NOP9: variants seen among roughly 807,000 people sequenced by gnomAD.
The protein encoded by NOP9 is NOP9 nucleolar protein.
A neutral mutation model predicts 63.0 loss-of-function variants in NOP9; 50 were observed. That is an observed-to-expected ratio of 0.79 (90% confidence interval 0.63 to 1.00). NOP9 has a LOEUF of 1.00. Ranked by LOEUF, NOP9 falls within the 50% of genes least tolerant of loss-of-function variation. The pLI is 0.00. For missense variants in NOP9, 758 were observed against 803.0 expected, an observed-to-expected ratio of 0.94 and a Z score of 0.68; for synonymous variants, 343 against 332.8, an observed-to-expected ratio of 1.03 and a Z score of -0.33.
At chr14:24,293,644 G>A in the NOP9 span, 1 of 152,040 alleles carries the variant, frequency 6.6e-6, no homozygotes, top group Non-Finnish European at 1.5e-5. Flanking sequence ...AAAGACTAAT[G>A]TCTTGTGGGT....
chr14:24,278,261 T>G, the NOP9 span, among the ~76,000 whole-genome samples: 1 of 152,060 alleles, frequency 6.6e-6, no homozygotes, highest in Admixed American at 6.6e-5. Context: ...ACTATCTTAG[T>G]GCTTTTGCAC....
At chr14:24,301,093 AT>A (rs1404643371) in intron 2 of NOP9, among the ~76,000 whole-genome samples, 2 of 152,038 alleles carry the variant, frequency 1.3e-5, no homozygotes, top group African/African-American at 4.8e-5. Context: ...CAGGAGGAGA[AT>A]TTTTTTTAAG....
At chr14:24,303,481 A>G (rs1461654920) in intron 6 of NOP9, among the ~76,000 whole-genome samples, 1 of 152,008 alleles carries the variant, frequency 6.6e-6, no homozygotes, top group Non-Finnish European at 1.5e-5. Context: ...GCTGAGGCCA[A>G]ATGTTATTTC....
At chr14:24,274,612 C>CTTT in the NOP9 span, among the ~76,000 whole-genome samples, 54 of 141,234 alleles carry the variant, frequency 3.8e-4, no homozygotes, top group African/African-American at 1.4e-3. Flanking sequence ...GAGCCACAAT[C>CTTT]TTTTTTTTTT....
the NOP9 span, chr14:24,271,388 G>A: frequency 5.0e-4 from 183 of 366,536 alleles, 2 homozygotes; most frequent in African/African-American, 3.2e-3. Flanking sequence ...CGCGAGCCGG[G>A]GCACCTGGGC....
At chr14:24,298,999 G>A, upstream of NOP9, 3 of 1,613,902 alleles carry the variant, frequency 1.9e-6, no homozygotes, top group Non-Finnish European at 2.5e-6. Flanking sequence ...GGCGGCCAGT[G>A]ATGTAAACTG....
rs2041496347 is a variant in NOP9 at position 24,306,086 on chromosome 14, C to G, written c.*991C>G. Reference sequence around the variant, plus strand: ...ACGTCAAAGGTGAATCGGGCGATGTCCTTGCTGTGCTTGGGCCTCTCCCGT... The same window carrying G: ...ACGTCAAAGGTGAATCGGGCGATGTGCTTGCTGTGCTTGGGCCTCTCCCGT... On this transcript the variant is annotated 3_prime_UTR_variant, in exon 10 of 10. Transcript: ENST00000267425. The G allele has an allele frequency of 6.2e-7, 1 of 1,614,138 alleles. No homozygotes were observed. The highest frequency in any genetic ancestry group is 2.2e-5 in the East Asian group (1 of 44,882).
At chr14:24,273,647 A>G in the NOP9 span, among the ~76,000 whole-genome samples, 1 of 152,232 alleles carries the variant, frequency 6.6e-6, no homozygotes, top group Non-Finnish European at 1.5e-5. Context: ...GAGTTAAGCC[A>G]TTTATTGGTT....
Position 24,308,008 on chromosome 14 carries a change from T to TG in NOP9, c.*2915dup. Reference sequence around the variant, plus strand: ...AAGCCTGGACTCTGGCCCCCCTGCCTGGCCAGTAAGAAGGGCAAAGTCCAA... The same window carrying TG: ...AAGCCTGGACTCTGGCCCCCCTGCCTGGGCCAGTAAGAAGGGCAAAGTCCAA... On this transcript the variant is annotated 3_prime_UTR_variant, in exon 10 of 10. Coordinates refer to ENST00000267425, the MANE Select transcript of NOP9 (RefSeq NM_174913.3). 1 of 725,768 alleles carries TG rather than the reference T, an allele frequency of 1.4e-6. No homozygotes were observed. Among genetic ancestry groups the TG allele is most frequent in the Non-Finnish European group, 2.4e-6 (1 of 415,096 alleles). The allele number at this position is 725,768 out of a possible 1,614,324, so 45.0% of individuals were successfully genotyped here.
At chr14:24,275,266 G>GAT in the NOP9 span, among the ~76,000 whole-genome samples, 2 of 152,134 alleles carry the variant, frequency 1.3e-5, no homozygotes, top group African/African-American at 4.8e-5. Context: ...TCTATGTATA[G>GAT]AAAGAAACAA....
chr14:24,298,847 T>A, upstream of NOP9: 1 of 1,196,902 alleles, frequency 8.4e-7, no homozygotes, highest in Admixed American at 2.9e-5. Context: ...AATATTCACA[T>A]CTTGTTGAGT....
rs2041378885 is a variant in NOP9 at position 24,301,670 on chromosome 14, CT to C, written c.761del (p.Leu254Ter). 1 of 1,613,998 alleles carries C rather than the reference CT, an allele frequency of 6.2e-7. No individual in the cohort carries two copies. The highest frequency in any genetic ancestry group is 1.1e-5 in the South Asian group (1 of 91,078). On this transcript the variant is annotated frameshift_variant, in exon 3 of 10. Coordinates refer to ENST00000267425, the MANE Select transcript of NOP9 (RefSeq NM_174913.3). LOFTEE classifies it high-confidence loss of function. Reference protein sequence around the residue: ...KPADFEVPETFLNRLQDLSSS... With the variant: ...KPADFEVPETXLNRLQDLSSS... ...CAGCTGATTTTGAAGTCCCTGAAAC[CT>C]TTTTGAATCGCCTTCAGGACCTGAG... is the stretch of plus-strand genomic sequence containing the variant.
intron 3 of NOP9, 80 bp from the exon 4 acceptor site, chr14:24,301,885 A>G (rs1026296707): frequency 2.6e-6 from 4 of 1,511,816 alleles, no homozygotes; most frequent in East Asian, 2.3e-5. Flanking sequence ...AGTGCCCTGT[A>G]TCTTGTTGCC....
intron 6 of NOP9, 121 bp downstream of exon 6, chr14:24,303,335 C>G: frequency 7.8e-7 from 1 of 1,282,380 alleles, no homozygotes; most frequent in Non-Finnish European, 1.1e-6. Context: ...AAGGAGTTCA[C>G]AGGAATGGGG....
At chr14:24,303,326 A>G (rs1395631116) in intron 6 of NOP9, 112 bp downstream of exon 6, 1 of 1,307,552 alleles carries the variant, frequency 7.6e-7, no homozygotes, top group Admixed American at 1.8e-5. Context: ...CTAATGCCCA[A>G]GGAGTTCACA....
chr14:24,279,662 C>T, the NOP9 span, among the ~76,000 whole-genome samples: 1 of 152,196 alleles, frequency 6.6e-6, no homozygotes, highest in East Asian at 1.9e-4. Context: ...AGAACTGAAG[C>T]CTCTGTGACA....
chr14:24,300,545 CTGCGCTCTAACT>C lies in NOP9; in HGVS notation c.391_402del (p.Ser131_Arg134del). On this transcript the variant is annotated inframe_deletion, in exon 2 of 10. Coordinates refer to ENST00000267425, the MANE Select transcript of NOP9 (RefSeq NM_174913.3). ...ACCGCTTTGTCGCGTGTGGGCTGCT[CTGCGCTCTAACT>C]TGCGCACTGTGGCCTGTCACCGATG... 3.1e-6 allele frequency: 5 copies of C among 1,614,240 alleles called. No homozygotes were observed. The highest frequency in any genetic ancestry group is 4.2e-6 in the Non-Finnish European group (5 of 1,180,046).
chr14:24,296,726 T>A, upstream of NOP9: 1 of 1,614,058 alleles, frequency 6.2e-7, no homozygotes, highest in Non-Finnish European at 8.5e-7. Flanking sequence ...GGGAACAAAG[T>A]TCAAAGGGTA....
rs2041386413 is a variant in NOP9 at position 24,302,012 on chromosome 14, C to T, written c.856C>T (p.Gln286Ter). The change falls in exon 4 of 10, where the codon CAG (glutamine) becomes TAG (stop). Residue 286 changes from glutamine (Q) to a stop codon, truncating the protein, a stop_gained. Transcript: ENST00000267425. LOFTEE classifies it high-confidence loss of function. The stretch of plus-strand genomic sequence containing the variant: ...CAGCTTCTGTCTTCAAGTGGCTTTA[C>T]AGGTTTTACACCGCAAACTTCCCCA... ...ISSFCLQVAL[Q>*]VLHRKLPQFC... The T allele has an allele frequency of 6.2e-7, 1 of 1,613,994 alleles. No homozygotes were observed. The highest frequency in any genetic ancestry group is 8.5e-7 in the Non-Finnish European group (1 of 1,180,010).
Sources: gnomAD v4.1 joint callset for allele counts (sites outside exome capture counted in the v4.1 genomes callset) on GRCh38, gnomAD v4.1.1 for gene constraint, MANE v1.5 for transcripts, NCBI Gene and HGNC (gene_info 2026-07-23, HGNC 2026-07-21) for gene names.